The following HCRTR2 variants were observed in gnomAD, a reference collection of about 807,000 sequenced individuals.
The protein encoded by HCRTR2 is orexin receptor type 2.
Under a neutral mutation model 49.0 loss-of-function variants are expected in HCRTR2, and 22 were observed. The observed-to-expected ratio is 0.45, with a 90% CI of 0.32 to 0.64. HCRTR2 has a LOEUF of 0.64. Among genes scored for constraint, HCRTR2 ranks in the 30% least tolerant of loss-of-function variants. HCRTR2 has a pLI of 0.04. For missense variants in HCRTR2, 491 were observed against 559.4 expected (o/e 0.88, Z 1.23); for synonymous variants, 236 against 205.3 (o/e 1.15, Z -1.28).
rs186935532 is a variant in HCRTR2 at position 55,117,972 on chromosome 6, G to T, written c.-378+11427G>T. On this transcript the variant is annotated intron_variant, in intron 1 of 7. Transcript: ENST00000615358. ...ATGTAAGTAAACTTGTGTCATGGAG[G>T]TTTGTTATACAGATTATTTCATTAC... Among the ~76,000 whole-genome samples the T allele has an allele frequency of 5.2e-3, 795 of 151,690 alleles. 11 individuals carry two copies. The highest frequency in any genetic ancestry group is 0.019 in the African/African-American group (770 of 41,430).
At chr6:55,264,287 A>AT (rs1365190542) in intron 4 of HCRTR2, among the ~76,000 whole-genome samples, 2 of 152,016 alleles carry the variant, frequency 1.3e-5, no homozygotes, top group African/African-American at 4.8e-5. Flanking sequence ...CAAAGATCTT[A>AT]TTTTTTAGAA....
intron 4 of HCRTR2, among the ~76,000 whole-genome samples, chr6:55,265,053 C>A (rs1367658582): frequency 1.3e-5 from 2 of 152,016 alleles, no homozygotes; most frequent in Non-Finnish European, 2.9e-5. Context: ...TCAATATTTT[C>A]TCTTTTCCTC....
chr6:55,266,241 T>C (rs577706843), intron 4 of HCRTR2, among the ~76,000 whole-genome samples: 2 of 152,298 alleles, frequency 1.3e-5, no homozygotes, highest in East Asian at 3.9e-4. Flanking sequence ...AAAATGCACA[T>C]TGAAATACCA....
At chr6:55,281,950 C>T (rs919613666) in intron 6 of HCRTR2, among the ~76,000 whole-genome samples, 6 of 151,980 alleles carry the variant, frequency 3.9e-5, no homozygotes, top group African/African-American at 9.7e-5. Context: ...TACCAATATG[C>T]GTAAATATAT....
At chr6:55,274,552 T>C (rs1767042154) in intron 4 of HCRTR2, among the ~76,000 whole-genome samples, 3 of 151,786 alleles carry the variant, frequency 2.0e-5, no homozygotes, top group Admixed American at 2.0e-4. Flanking sequence ...TTCTTCTCAA[T>C]AGAACCAATC....
At chr6:55,124,923 C>T (rs1227985733) in intron 1 of HCRTR2, among the ~76,000 whole-genome samples, 1 of 146,218 alleles carries the variant, frequency 6.8e-6, no homozygotes, top group Non-Finnish European at 1.5e-5. Context: ...GATTAGGATA[C>T]CAACTCCTGC....
chr6:55,170,575 ATTTAT>A (rs1374873450), upstream of HCRTR2, among the ~76,000 whole-genome samples: 3 of 150,166 alleles, frequency 2.0e-5, no homozygotes, highest in Non-Finnish European at 4.4e-5. Flanking sequence ...ATGTTTACTT[ATTTAT>A]TTATTTATTT....
At chr6:55,209,912 A>G (rs1442094748) in intron 1 of HCRTR2, among the ~76,000 whole-genome samples, 1 of 152,150 alleles carries the variant, frequency 6.6e-6, no homozygotes, top group Admixed American at 6.6e-5. Context: ...GCGTCTTCGA[A>G]GAACAATGTA....
At chr6:55,213,537 T>C (rs1765732542) in intron 1 of HCRTR2, among the ~76,000 whole-genome samples, 2 of 152,056 alleles carry the variant, frequency 1.3e-5, no homozygotes, top group South Asian at 4.1e-4. Flanking sequence ...AAGAAGCCAG[T>C]TAAGAGGCTC....
intron 1 of HCRTR2, among the ~76,000 whole-genome samples, chr6:55,167,427 A>G (rs1198051185): frequency 6.6e-6 from 1 of 152,120 alleles, no homozygotes; most frequent in African/African-American, 2.4e-5. Flanking sequence ...TTTCATGTGG[A>G]AAATCAGAAC....
Position 55,181,378 on chromosome 6 carries a change from T to G in HCRTR2, c.223+6568T>G, listed in dbSNP as rs1328267905. Among the ~76,000 whole-genome samples the G allele has an allele frequency of 2.6e-5, 4 of 152,300 alleles. No individual in the cohort carries two copies. In the East Asian group the frequency reaches 7.7e-4, roughly 29 times the overall value. On this transcript the variant is annotated intron_variant, in intron 1 of 6. Coordinates refer to ENST00000370862, the MANE Select transcript of HCRTR2 (RefSeq NM_001384272.1). ...AAATGAATTAAATCGATATTTAAAA[T>G]AACATTAAATTTCTTGCCAGAAAAA...
intron 1 of HCRTR2, among the ~76,000 whole-genome samples, chr6:55,245,948 A>G (rs1228603488): frequency 6.6e-6 from 1 of 152,050 alleles, no homozygotes; most frequent in East Asian, 1.9e-4. Context: ...GTAAAGTCAT[A>G]TTGCAGTAGG....
intron 1 of HCRTR2, among the ~76,000 whole-genome samples, chr6:55,195,724 C>A (rs1562003137): frequency 6.6e-6 from 1 of 152,120 alleles, no homozygotes; most frequent in Non-Finnish European, 1.5e-5. Context: ...GTAATCCCTG[C>A]ACTTTGGGAG....
chr6:55,168,425 A>G (rs13200042), intron 1 of HCRTR2, among the ~76,000 whole-genome samples: 26,017 of 152,206 alleles, frequency 0.17, 2,556 homozygotes, highest in Non-Finnish European at 0.23. Context: ...GTGGAAACAG[A>G]ATAGAGTAAC....
intron 1 of HCRTR2, among the ~76,000 whole-genome samples, chr6:55,147,705 T>C (rs1764613918): frequency 6.6e-6 from 1 of 152,184 alleles, no homozygotes; most frequent in Non-Finnish European, 1.5e-5. Flanking sequence ...TAATGTAGTG[T>C]CCCTTTGAAA....
chr6:55,118,658 T>C (rs1254539298), intron 1 of HCRTR2, among the ~76,000 whole-genome samples: 1 of 151,988 alleles, frequency 6.6e-6, no homozygotes, highest in Non-Finnish European at 1.5e-5. Flanking sequence ...TTATTGAGGA[T>C]GAGCTTTTTT....
chr6:55,281,922 A>T (rs1767198396), intron 6 of HCRTR2, among the ~76,000 whole-genome samples: 1 of 152,152 alleles, frequency 6.6e-6, no homozygotes, highest in African/African-American at 2.4e-5. Flanking sequence ...CTTCCATTAT[A>T]GTTATGTAGA....
At chr6:55,183,726 T>C (rs752180087) in intron 1 of HCRTR2, among the ~76,000 whole-genome samples, 4 of 152,004 alleles carry the variant, frequency 2.6e-5, no homozygotes, top group Non-Finnish European at 5.9e-5. Flanking sequence ...AAACTGACAA[T>C]AAAGAACATA....
Position 55,263,732 on chromosome 6 carries a change from C to T in HCRTR2, c.672C>T (p.His224=), listed in dbSNP as rs1200607235. ...GTGAAATTTATCCCAAGATGTACCA[C>T]ATCTGTTTCTTTCTGGTGACATACA... is the stretch of plus-strand genomic sequence containing the variant. The part of the protein sequence containing the change: ...WGGEIYPKMY[H]ICFFLVTYMA... Residue 224 remains histidine, a synonymous_variant, in exon 4 of 7, where the codon CAC becomes CAT. Coordinates refer to ENST00000370862, the MANE Select transcript of HCRTR2 (RefSeq NM_001384272.1). The T allele has an allele frequency of 1.1e-5, 18 of 1,610,178 alleles. No homozygotes were observed. Among genetic ancestry groups the T allele is most frequent in the Non-Finnish European group, 1.3e-5 (15 of 1,176,996 alleles).
Sources: allele counts gnomAD v4.1 joint callset (sites outside exome capture counted in the v4.1 genomes callset), GRCh38; gene constraint gnomAD v4.1.1; transcripts MANE v1.5; gene names NCBI Gene and HGNC (gene_info 2026-07-23, HGNC 2026-07-21).